SORCS1: variants seen among roughly 807,000 people sequenced by gnomAD.
SORCS1 encodes VPS10 domain-containing receptor SorCS1.
SORCS1 carries 60 observed loss-of-function variants against 146.1 expected under a neutral mutation model. The ratio of observed to expected loss-of-function variants is 0.41; its 90% CI spans 0.33 to 0.51. The LOEUF (loss-of-function observed/expected upper bound fraction) is 0.51, where lower values mean the gene tolerates loss of function less well. Among genes scored for constraint, SORCS1 ranks in the 20% least tolerant of loss-of-function variants. SORCS1 has a pLI of 0.21. For missense variants in SORCS1, 1,352 were observed against 1,487.6 expected (o/e 0.91, Z 1.50); for synonymous variants, 637 against 584.0 (o/e 1.09, Z -1.31).
At chr10:106,732,165 G>A (rs1205292050) in intron 5 of SORCS1, among the ~76,000 whole-genome samples, 1 of 152,194 alleles carries the variant, frequency 6.6e-6, no homozygotes, top group Admixed American at 6.5e-5. Flanking sequence ...CTGCAATTCA[G>A]AGCCTATGCT....
At chr10:106,687,485 CCAAA>C (rs757397020) in intron 10 of SORCS1, among the ~76,000 whole-genome samples, 17 of 152,188 alleles carry the variant, frequency 1.1e-4, no homozygotes, top group East Asian at 3.9e-4. Flanking sequence ...CCTTTGTTCA[CCAAA>C]CAAAGTCTCT....
rs543359831 is a variant in SORCS1, at chr10:106,585,304, T to C, written c.3266-5830A>G. Reference sequence around the variant, plus strand: ...TGACAAGGTACCCAGGTAATTATTATGTATAACAGTTTGAGAATACCGCAT... The same window carrying C: ...TGACAAGGTACCCAGGTAATTATTACGTATAACAGTTTGAGAATACCGCAT... On this transcript the variant is annotated intron_variant, in intron 24 of 25. Transcript: ENST00000263054. 5.3e-5 allele frequency among the ~76,000 whole-genome samples: 8 copies of C among 152,278 alleles called. No individual in the cohort carries two copies. In the South Asian group the frequency reaches 1.5e-3, roughly 28 times the overall value.
At chr10:106,934,257 T>C (rs1302358775) in intron 2 of SORCS1, among the ~76,000 whole-genome samples, 2 of 151,784 alleles carry the variant, frequency 1.3e-5, no homozygotes, top group African/African-American at 4.8e-5. Context: ...TATTTTTTAT[T>C]TTATTTATTT....
At chr10:106,630,933 G>T (rs1848405148) in intron 18 of SORCS1, among the ~76,000 whole-genome samples, 2 of 151,748 alleles carry the variant, frequency 1.3e-5, no homozygotes, top group African/African-American at 4.8e-5. Flanking sequence ...ACAAAAACCA[G>T]CTTCCTTCAC....
intron 6 of SORCS1, among the ~76,000 whole-genome samples, chr10:106,712,822 A>C (rs1411984965): frequency 1.3e-5 from 2 of 152,138 alleles, no homozygotes; most frequent in South Asian, 4.1e-4. Flanking sequence ...GCTACTGAAC[A>C]CCCATTGTTC....
At chr10:107,176,047 T>A in the SORCS1 span, among the ~76,000 whole-genome samples, 1 of 152,190 alleles carries the variant, frequency 6.6e-6, no homozygotes, top group Non-Finnish European at 1.5e-5. Context: ...TATATATGTG[T>A]ACATATATTT....
Position 106,956,595 on chromosome 10 carries a change from A to C in SORCS1, c.559-15T>G, listed in dbSNP as rs377448356. 1.2e-4 allele frequency: 191 copies of C among 1,612,526 alleles called. No homozygotes were observed. The highest frequency in any genetic ancestry group is 1.4e-4 in the Non-Finnish European group (166 of 1,178,740). ...ATGAGAATCACCTGAAGGCAAAAGA[A>C]GAAATCATGGTTAGTCTCAAACAAT... On this transcript the variant is annotated splice_polypyrimidine_tract_variant and intron_variant, in intron 1 of 25. Coordinates refer to ENST00000263054, the MANE Select transcript of SORCS1 (RefSeq NM_052918.5).
chr10:106,584,442 C>A (rs574136154), intron 24 of SORCS1, among the ~76,000 whole-genome samples: 1 of 152,232 alleles, frequency 6.6e-6, no homozygotes, highest in African/African-American at 2.4e-5. Context: ...TGTAACCAAA[C>A]CAAAACCCAA....
intron 2 of SORCS1, among the ~76,000 whole-genome samples, chr10:106,878,253 C>A (rs944645947): frequency 1.5e-4 from 23 of 150,868 alleles, no homozygotes; most frequent in Admixed American, 7.9e-4. Context: ...TTCTGGGGGA[C>A]TCCTTGTGGG....
chr10:106,774,333 A>G (rs1860264558), intron 4 of SORCS1, among the ~76,000 whole-genome samples: 1 of 152,144 alleles, frequency 6.6e-6, no homozygotes. Context: ...CTGGATGCAA[A>G]TTTCTGAAGG....
At chr10:106,831,820 G>A (rs1011345418) in intron 2 of SORCS1, among the ~76,000 whole-genome samples, 4 of 152,136 alleles carry the variant, frequency 2.6e-5, no homozygotes, top group Non-Finnish European at 5.9e-5. Flanking sequence ...AAAGTACTAC[G>A]CAAAACTTCT....
At chr10:106,965,682 T>C (rs904903926) in intron 1 of SORCS1, among the ~76,000 whole-genome samples, 13 of 152,176 alleles carry the variant, frequency 8.5e-5, no homozygotes, top group Non-Finnish European at 2.9e-5. Context: ...ACATCACATA[T>C]GGAATCCTAA....
At chr10:106,699,709 AT>A (rs1187168250) in intron 8 of SORCS1, among the ~76,000 whole-genome samples, 2 of 152,060 alleles carry the variant, frequency 1.3e-5, no homozygotes, top group Non-Finnish European at 2.9e-5. Flanking sequence ...GCATCCTGAT[AT>A]TTTTGCCAAG....
intron 1 of SORCS1, among the ~76,000 whole-genome samples, chr10:106,997,513 A>C (rs1245914316): frequency 3.9e-5 from 6 of 152,088 alleles, no homozygotes; most frequent in Admixed American, 3.9e-4. Context: ...GCCCCAATTC[A>C]TCTCATCTCT....
At chr10:107,097,483 G>T (rs368350392) in intron 1 of SORCS1, among the ~76,000 whole-genome samples, 1 of 152,096 alleles carries the variant, frequency 6.6e-6, no homozygotes, top group Non-Finnish European at 1.5e-5. Context: ...GGCCTGCAAG[G>T]TGCCTGTTTG....
chr10:107,169,770 G>C, the SORCS1 span, among the ~76,000 whole-genome samples: 2 of 152,132 alleles, frequency 1.3e-5, no homozygotes, highest in Admixed American at 1.3e-4. Flanking sequence ...ACAAGACTTA[G>C]AGCAGATTGT....
In SORCS1 at chr10:106,614,258, A is replaced by AT. The variant is rs532009716; in HGVS notation, c.2921-2236dup. Among the ~76,000 whole-genome samples the AT allele has an allele frequency of 2.7e-3, 416 of 152,294 alleles. 5 individuals are homozygous for AT. Among genetic ancestry groups the AT allele is most frequent in the African/African-American group, 9.6e-3 (397 of 41,546 alleles). On this transcript the variant is annotated intron_variant, in intron 21 of 25. Coordinates refer to ENST00000263054, the MANE Select transcript of SORCS1 (RefSeq NM_052918.5). The stretch of plus-strand genomic sequence containing the variant: ...TTATGCATTTATTTATTTAATAAAC[A>AT]TTTTTTATGTTAAGCATGCCCTTTT...
At chr10:106,857,726 C>A (rs1040103687) in intron 2 of SORCS1, among the ~76,000 whole-genome samples, 4 of 152,050 alleles carry the variant, frequency 2.6e-5, no homozygotes, top group Non-Finnish European at 5.9e-5. Flanking sequence ...TTTTTTTTAA[C>A]CTGTCAGTGC....
At chr10:106,882,575 G>A (rs1292197635) in intron 2 of SORCS1, among the ~76,000 whole-genome samples, 1 of 152,120 alleles carries the variant, frequency 6.6e-6, no homozygotes, top group Non-Finnish European at 1.5e-5. Context: ...GAATTTGGCT[G>A]TTGTTGACCC....
Sources: allele counts gnomAD v4.1 joint callset (sites outside exome capture counted in the v4.1 genomes callset), GRCh38; gene constraint gnomAD v4.1.1; transcripts MANE v1.5; gene names NCBI Gene and HGNC (gene_info 2026-07-23, HGNC 2026-07-21).